The following HPGD variants were observed in gnomAD, a reference collection of about 807,000 sequenced individuals.
HPGD encodes the protein 15-hydroxyprostaglandin dehydrogenase.
In HPGD, 29 loss-of-function variants were observed where a neutral mutation model predicts 30.0. That is an observed-to-expected ratio of 0.97 (90% CI 0.72 to 1.32). HPGD has a LOEUF of 1.32. Ranked by LOEUF, HPGD falls within the 40% of genes most tolerant of loss-of-function variation. The probability of loss-of-function intolerance (pLI) is 0.00; values close to 1 mark genes in which losing one functional copy is unlikely to be tolerated. For missense variants in HPGD, 340 were observed against 322.1 expected, an observed-to-expected ratio of 1.06 and a Z score of -0.43; for synonymous variants, 99 against 112.4, an observed-to-expected ratio of 0.88 and a Z score of 0.75.
chr4:174,498,473 C>T (rs960780114), intron 4 of HPGD, among the ~76,000 whole-genome samples: 1 of 152,090 alleles, frequency 6.6e-6, no homozygotes, highest in Non-Finnish European at 1.5e-5. Flanking sequence ...CTAAAAGTTT[C>T]CTTGTGCCCC....
rs1460095915 is a variant in HPGD at position 174,494,986 on chromosome 4, C to T, written c.498+562G>A. ...CTTTGCTTGCCAGGCCCCTTTCAAGCGTCTCTTTTGTGAGTTATAAAAAGG... is the reference window on the plus strand; with the variant it reads ...CTTTGCTTGCCAGGCCCCTTTCAAGTGTCTCTTTTGTGAGTTATAAAAAGG... On this transcript the variant is annotated intron_variant, in intron 5 of 6. Coordinates refer to ENST00000296522, the MANE Select transcript of HPGD (RefSeq NM_000860.6). The surrounding 1 kb of genome is among the most constrained non-coding windows in gnomAD (Gnocchi z 4.9). 2.0e-5 allele frequency among the ~76,000 whole-genome samples: 3 copies of T among 152,144 alleles called. No homozygotes were observed. The highest frequency in any genetic ancestry group is 2.9e-5 in the Non-Finnish European group (2 of 68,022).
At position 174,494,020 on chromosome 4, in the gene HPGD, A is replaced by G; in HGVS notation, c.499-706T>C. Among the ~76,000 whole-genome samples, 1 of 152,154 alleles carries G rather than the reference A, an allele frequency of 6.6e-6. No individual in the cohort carries two copies. The highest frequency in any genetic ancestry group is 1.9e-4 in the East Asian group (1 of 5,186). ...GTTCCTGCTGAGGTCAAGTAAGACT[A>G]TACTCTGTCGTGCCATGTTTTTCTA... On this transcript the variant is annotated intron_variant, in intron 5 of 6. Coordinates refer to ENST00000296522, the MANE Select transcript of HPGD (RefSeq NM_000860.6). This position sits in a 1 kb window ranked among gnomAD's most constrained non-coding sequence, Gnocchi z 4.9.
chr4:174,509,237 A>G (rs1735346383), intron 3 of HPGD, among the ~76,000 whole-genome samples: 1 of 152,196 alleles, frequency 6.6e-6, no homozygotes, highest in South Asian at 2.1e-4. Context: ...GGAATATAGA[A>G]TAATGCTTAC....
chr4:174,507,220 A>T lies in HPGD; in HGVS notation c.421+1476T>A, dbSNP rs1043437806. 4 of 152,142 alleles carry T rather than the reference A, an allele frequency of 2.6e-5. No homozygotes were observed. In the East Asian group the frequency reaches 7.7e-4, roughly 29 times the overall value. The allele number at this position is 152,142 out of a possible 1,614,324, so 9.4% of individuals were successfully genotyped here. On this transcript the variant is annotated intron_variant, in intron 4 of 6. Transcript: ENST00000296522. ...ACCTTTTAAAGTATCATTAGGATTA[A>T]AATGTTATAATTTATAAGTAGTTGT...
At chr4:174,515,496 T>C (rs1579300017) in intron 3 of HPGD, among the ~76,000 whole-genome samples, 1 of 151,562 alleles carries the variant, frequency 6.6e-6, no homozygotes, top group African/African-American at 2.4e-5. Flanking sequence ...CCTTACACCA[T>C]ATGTAAAACC....
chr4:174,496,234 A>G lies in HPGD; in HGVS notation c.422-610T>C, dbSNP rs1734588100. Among the ~76,000 whole-genome samples, 1 of 152,254 alleles carries G rather than the reference A, an allele frequency of 6.6e-6. No homozygotes were observed. Among genetic ancestry groups the G allele is most frequent in the East Asian group, 1.9e-4 (1 of 5,198 alleles). On this transcript the variant is annotated intron_variant, in intron 4 of 6. Transcript: ENST00000296522. The surrounding 1 kb of genome is among the most constrained non-coding windows in gnomAD (Gnocchi z 4.6). ...TCCTATGACTTAGGAAGATAGAAATAAACATTTGTGGTCCTATTTTATTTC... is the reference window on the plus strand; with the variant it reads ...TCCTATGACTTAGGAAGATAGAAATGAACATTTGTGGTCCTATTTTATTTC...
chr4:174,509,277 C>A (rs1206069494), intron 3 of HPGD, among the ~76,000 whole-genome samples: 2 of 152,040 alleles, frequency 1.3e-5, no homozygotes, highest in African/African-American at 4.8e-5. Context: ...TTATTTTCTC[C>A]TTTTTTCTTT....
At position 174,518,072 on chromosome 4, in the gene HPGD, A is replaced by C. The variant is rs1410982220; in HGVS notation, c.223T>G (p.Phe75Val). Residue 75 changes from phenylalanine (F) to valine (V), a missense_variant, in exon 3 of 7, where the codon TTT (phenylalanine) becomes GTT (valine). By Grantham distance (50) the Phe-to-Val change is conservative. Transcript: ENST00000296522. ...CCAAAGTGGTCTACAACTTTTCTAAAAGTGTCTAATTATAAAACAAGATAT... is the reference window on the plus strand; with the variant it reads ...CCAAAGTGGTCTACAACTTTTCTAACAGTGTCTAATTATAAAACAAGATAT... ...VADQQQLRDTFRKVVDHFGRL... is the reference protein window; with the variant it reads ...VADQQQLRDTVRKVVDHFGRL... The C allele has an allele frequency of 1.4e-5, 21 of 1,501,790 alleles. No individual in the cohort carries two copies. In the Admixed American group the frequency reaches 3.5e-4, roughly 25 times the overall value. 93.0% of individuals were successfully genotyped at this position (1,501,790 alleles called of 1,614,324 possible). A position where few individuals can be genotyped will look rare whatever the true frequency, so the allele number is the denominator to read the frequency against.
chr4:174,495,478 C>T, intron 5 of HPGD, 70 bp downstream of exon 5: 2 of 1,159,572 alleles, frequency 1.7e-6, no homozygotes, highest in South Asian at 2.4e-5. Flanking sequence ...AGTGATTCCT[C>T]TCTACAGAAT....
intron 4 of HPGD, among the ~76,000 whole-genome samples, chr4:174,499,429 A>T (rs1237635268): frequency 2.0e-5 from 3 of 152,228 alleles, no homozygotes; most frequent in Non-Finnish European, 4.4e-5. Flanking sequence ...TCACTCTGAG[A>T]TATAAACATA....
chr4:174,497,601 CAG>C (rs1160961385), intron 4 of HPGD, among the ~76,000 whole-genome samples: 2 of 11,672 alleles, frequency 1.7e-4, no homozygotes, highest in Non-Finnish European at 2.9e-4. Flanking sequence ...TTTTTTGAGA[CAG>C]AGTCTCGCTC....
chr4:174,502,802 T>C (rs1349531433), intron 4 of HPGD, among the ~76,000 whole-genome samples: 1 of 152,114 alleles, frequency 6.6e-6, no homozygotes, highest in African/African-American at 2.4e-5. Context: ...GCTACTAGTG[T>C]TCAGTCATTG....
In HPGD at chr4:174,522,452, G is replaced by A; in HGVS notation, c.-1C>T. On this transcript the variant is annotated 5_prime_UTR_variant, in exon 1 of 7. Coordinates refer to ENST00000296522, the MANE Select transcript of HPGD (RefSeq NM_000860.6). ...GCGCCACTTTGCCGTTCACGTGCAT[G>A]GTGCAGCCACTGCTGGGGCGGGCGG... The A allele has an allele frequency of 6.4e-7, 1 of 1,574,472 alleles. No homozygotes were observed. Among genetic ancestry groups the A allele is most frequent in the Non-Finnish European group, 8.6e-7 (1 of 1,160,466 alleles).
intron 6 of HPGD, 78 bp downstream of exon 6, chr4:174,493,073 A>T: frequency 7.6e-7 from 1 of 1,311,736 alleles, no homozygotes; most frequent in Non-Finnish European, 1.0e-6. Context: ...GTATAAGCTT[A>T]TTTCTTCCCT....
chr4:174,521,571 T>C (rs1312468529), intron 2 of HPGD, among the ~76,000 whole-genome samples: 1 of 152,250 alleles, frequency 6.6e-6, no homozygotes, highest in Non-Finnish European at 1.5e-5. Flanking sequence ...TCCAGCTTTC[T>C]GGGAGAAGTT....
At chr4:174,516,143 T>C (rs1258269761) in intron 3 of HPGD, among the ~76,000 whole-genome samples, 1 of 152,134 alleles carries the variant, frequency 6.6e-6, no homozygotes, top group Admixed American at 6.5e-5. Flanking sequence ...CATTACTGGG[T>C]ATATACCCAA....
intron 4 of HPGD, among the ~76,000 whole-genome samples, chr4:174,498,992 T>C (rs1046766085): frequency 9.8e-5 from 15 of 152,342 alleles, no homozygotes; most frequent in Non-Finnish European, 2.2e-4. Context: ...TTCATTTTTC[T>C]TCTGTAGGTA....
At chr4:174,505,670 G>A (rs1277222420) in intron 4 of HPGD, among the ~76,000 whole-genome samples, 1 of 152,166 alleles carries the variant, frequency 6.6e-6, no homozygotes, top group Non-Finnish European at 1.5e-5. Context: ...TGAGTTGAAG[G>A]CATGTTAGTG....
intron 4 of HPGD, among the ~76,000 whole-genome samples, chr4:174,504,761 C>A (rs1330424071): frequency 6.6e-6 from 1 of 151,892 alleles, no homozygotes; most frequent in Non-Finnish European, 1.5e-5. Flanking sequence ...TGTAGTGAGC[C>A]GAGATCGCGC....
Sources: gnomAD v4.1 joint callset for allele counts (sites outside exome capture counted in the v4.1 genomes callset) on GRCh38, gnomAD v4.1.1 for gene constraint, Gnocchi (gnomAD v3.1) non-coding constraint, MANE v1.5 for transcripts, NCBI Gene and HGNC (gene_info 2026-07-23, HGNC 2026-07-21) for gene names.